The following ZBTB24 variants were observed in gnomAD, a reference collection of about 807,000 sequenced individuals.
ZBTB24 encodes the protein zinc finger and BTB domain-containing protein 24.
A neutral mutation model predicts 53.8 loss-of-function variants in ZBTB24; 32 were observed. That is an observed-to-expected ratio of 0.60 (90% CI 0.45 to 0.80). The LOEUF is 0.80. Among genes scored for constraint, ZBTB24 ranks in the 30% least tolerant of loss-of-function variants. The pLI is 0.00. For missense variants in ZBTB24, 722 were observed against 837.1 expected (o/e 0.86, Z 1.70); for synonymous variants, 297 against 306.7 (o/e 0.97, Z 0.33).
intron 2 of ZBTB24, among the ~76,000 whole-genome samples, chr6:109,480,139 G>A (rs1027245390): frequency 6.6e-6 from 1 of 152,102 alleles, no homozygotes; most frequent in African/African-American, 2.4e-5. Context: ...AGCTCCCTAA[G>A]TGATTCCAAT....
At chr6:109,480,994 G>T in intron 2 of ZBTB24, 81 bp downstream of exon 2, 1 of 1,574,814 alleles carries the variant, frequency 6.3e-7, no homozygotes. Flanking sequence ...CACAGAAGTT[G>T]CACAGTAAAT....
At chr6:109,467,565 G>C in intron 6 of ZBTB24, 88 bp downstream of exon 6, 1 of 1,599,408 alleles carries the variant, frequency 6.3e-7, no homozygotes, top group South Asian at 1.1e-5. Context: ...ACAACTGGGA[G>C]AAAACTATAT....
At chr6:109,474,444 A>C (rs1776236032) in intron 5 of ZBTB24, among the ~76,000 whole-genome samples, 2 of 152,084 alleles carry the variant, frequency 1.3e-5, no homozygotes, top group Admixed American at 1.3e-4. Flanking sequence ...CTAAAAAAAT[A>C]ATCTTGGGCC....
At position 109,465,397 on chromosome 6, in the gene ZBTB24, G is replaced by GT; in HGVS notation, c.*453dup. Reference sequence around the variant, plus strand: ...ATATTTAGCCCTGACTTGTCTTGTGGTAACAACTGTGTTGCCTAAGAAAAA... The same window carrying GT: ...ATATTTAGCCCTGACTTGTCTTGTGGTTAACAACTGTGTTGCCTAAGAAAAA... On this transcript the variant is annotated 3_prime_UTR_variant, in exon 7 of 7. Transcript: ENST00000230122. 1 of 505,104 alleles carries GT rather than the reference G, an allele frequency of 2.0e-6. No individual in the cohort carries two copies. Among genetic ancestry groups the GT allele is most frequent in the Non-Finnish European group, 3.5e-6 (1 of 284,628 alleles). 31.3% of individuals were successfully genotyped at this position (505,104 alleles called of 1,614,324 possible).
At chr6:109,473,536 G>A (rs1431874019) in intron 5 of ZBTB24, among the ~76,000 whole-genome samples, 1 of 152,054 alleles carries the variant, frequency 6.6e-6, no homozygotes, top group East Asian at 1.9e-4. Context: ...CTCTCTTTCC[G>A]GCATCCCGCC....
chr6:109,479,567 TTTTTC>T (rs1401472087), intron 2 of ZBTB24, among the ~76,000 whole-genome samples: 27 of 152,342 alleles, frequency 1.8e-4, no homozygotes, highest in Admixed American at 1.8e-3. Flanking sequence ...TCCTACATGC[TTTTTC>T]TTAAGTCTTG....
chr6:109,471,280 C>T (rs1340333658), intron 5 of ZBTB24, among the ~76,000 whole-genome samples: 1 of 152,182 alleles, frequency 6.6e-6, no homozygotes, highest in African/African-American at 2.4e-5. Context: ...GTGTTCACAC[C>T]TCTGCTGTGG....
At chr6:109,477,928 T>G (rs1370578503) in intron 2 of ZBTB24, among the ~76,000 whole-genome samples, 1 of 152,018 alleles carries the variant, frequency 6.6e-6, no homozygotes, top group East Asian at 1.9e-4. Flanking sequence ...CCACCTCCAG[T>G]GAGGTTATGA....
At chr6:109,470,884 T>A (rs1197390721) in intron 5 of ZBTB24, among the ~76,000 whole-genome samples, 1 of 152,232 alleles carries the variant, frequency 6.6e-6, no homozygotes, top group African/African-American at 2.4e-5. Context: ...GTTTGTCACA[T>A]CAGTAAAGCC....
At chr6:109,467,957 G>C (rs569797187) in intron 5 of ZBTB24, among the ~76,000 whole-genome samples, 5 of 152,164 alleles carry the variant, frequency 3.3e-5, no homozygotes, top group Non-Finnish European at 7.4e-5. Context: ...CACAGAAATC[G>C]TAAGGCATGG....
chr6:109,479,671 C>T (rs12190996), intron 2 of ZBTB24, among the ~76,000 whole-genome samples: 45,895 of 152,044 alleles, frequency 0.3, 7,247 homozygotes, highest in Middle Eastern at 0.41. Flanking sequence ...AATCCCAGCA[C>T]TTTGGGAGGC....
In ZBTB24 at chr6:109,466,036, C is replaced by G. The variant is rs750596422; in HGVS notation, c.1909G>C (p.Val637Leu). ...MGPSQTEPVHVITLSKETLEH... is the reference protein window; with the variant it reads ...MGPSQTEPVHLITLSKETLEH... ...AGTGTTTCCTTGGACAGAGTGATCA[C>G]GTGCACTGGCTCTGTTTGTGAGGGC... is the stretch of plus-strand genomic sequence containing the variant. Residue 637 changes from valine to leucine, a missense_variant, in exon 7 of 7, where the codon GTG becomes CTG. By Grantham distance (32) the Val-to-Leu change is conservative (BLOSUM62 1). Coordinates refer to ENST00000230122, the MANE Select transcript of ZBTB24 (RefSeq NM_014797.3). The G allele has an allele frequency of 6.2e-7, 1 of 1,614,070 alleles. No homozygotes were observed. The highest frequency in any genetic ancestry group is 1.7e-5 in the Admixed American group (1 of 60,012).
rs1776260727 is a variant in ZBTB24, at chr6:109,475,496, T to TA, written c.1205-15dup. The TA allele has an allele frequency of 1.2e-6, 2 of 1,613,928 alleles. No homozygotes were observed. The highest frequency in any genetic ancestry group is 1.7e-6 in the Non-Finnish European group (2 of 1,179,974). On this transcript the variant is annotated splice_polypyrimidine_tract_variant and intron_variant, in intron 4 of 6. Coordinates refer to ENST00000230122, the MANE Select transcript of ZBTB24 (RefSeq NM_014797.3). Reference sequence around the variant, plus strand: ...GTAATGAGTGGCCTTGTCGCAACAATAAAAAAAGTGTCAGTGCATACATGC... The same window carrying TA: ...GTAATGAGTGGCCTTGTCGCAACAATAAAAAAAAGTGTCAGTGCATACATGC...
intron 1 of ZBTB24, among the ~76,000 whole-genome samples, chr6:109,482,804 A>T (rs1278508911): frequency 1.3e-5 from 2 of 152,224 alleles, no homozygotes; most frequent in African/African-American, 4.8e-5. Flanking sequence ...GCCATTTCGT[A>T]TGTGGGAACC....
At chr6:109,470,483 C>T (rs1202353976) in intron 5 of ZBTB24, among the ~76,000 whole-genome samples, 1 of 152,182 alleles carries the variant, frequency 6.6e-6, no homozygotes, top group Admixed American at 6.5e-5. Flanking sequence ...TGCTTATTGG[C>T]ATCACAGCTG....
At chr6:109,479,386 G>A (rs374785852) in intron 2 of ZBTB24, among the ~76,000 whole-genome samples, 65 of 152,208 alleles carry the variant, frequency 4.3e-4, no homozygotes, top group African/African-American at 1.5e-3. Flanking sequence ...TGTGTGGCCC[G>A]GCATGGCATG....
intron 2 of ZBTB24, 141 bp downstream of exon 2, chr6:109,480,934 G>A (rs1264964790): frequency 9.3e-6 from 14 of 1,502,676 alleles, no homozygotes; most frequent in Non-Finnish European, 1.2e-5. Flanking sequence ...GGATTGTGGA[G>A]AAAATTAACT....
At chr6:109,467,588 T>C in intron 6 of ZBTB24, 65 bp downstream of exon 6, 1 of 1,612,714 alleles carries the variant, frequency 6.2e-7, no homozygotes, top group Non-Finnish European at 8.5e-7. Context: ...GTAACACATG[T>C]CACCTCACTG....
At chr6:109,473,341 A>C (rs916849747) in intron 5 of ZBTB24, among the ~76,000 whole-genome samples, 2 of 152,046 alleles carry the variant, frequency 1.3e-5, no homozygotes, top group African/African-American at 2.4e-5. Flanking sequence ...GCACGTCTCC[A>C]GCTTGTCAAA....
Sources: gnomAD v4.1 joint callset for allele counts (sites outside exome capture counted in the v4.1 genomes callset) on GRCh38, gnomAD v4.1.1 for gene constraint, MANE v1.5 for transcripts, NCBI Gene and HGNC (gene_info 2026-07-23, HGNC 2026-07-21) for gene names.